SCGB1D2: variants seen among roughly 807,000 people sequenced by gnomAD.
The protein encoded by SCGB1D2 is secretoglobin family 1D member 2.
In SCGB1D2, 10 loss-of-function variants were observed where a neutral mutation model predicts 10.5. That is an observed-to-expected ratio of 0.95 (90% CI 0.59 to 1.61). The LOEUF is 1.61. Ranked by LOEUF, SCGB1D2 falls within the 40% of genes most tolerant of loss-of-function variation. SCGB1D2 has a pLI of 0.00. For missense variants in SCGB1D2, 113 were observed against 103.8 expected, an observed-to-expected ratio of 1.09 and a Z score of -0.38; for synonymous variants, 42 against 42.8, an observed-to-expected ratio of 0.98 and a Z score of 0.08.
chr11:62,242,273 T>C lies in SCGB1D2; in HGVS notation c.-35T>C. The C allele has an allele frequency of 1.5e-5, 24 of 1,612,936 alleles. No homozygotes were observed. The highest frequency in any genetic ancestry group is 2.0e-5 in the Non-Finnish European group (23 of 1,179,088). ...GGGTGGAGTCCAAATCACTCATTGT[T>C]TGTGAAAGCTGAGCTCACAGCAAAA... On this transcript the variant is annotated 5_prime_UTR_variant, in exon 1 of 3. Coordinates refer to ENST00000244926, the MANE Select transcript of SCGB1D2 (RefSeq NM_006551.4).
intron 2 of SCGB1D2, among the ~76,000 whole-genome samples, chr11:62,243,713 T>C (rs911818758): frequency 8.5e-5 from 13 of 152,270 alleles, no homozygotes; most frequent in Middle Eastern, 3.4e-3. Flanking sequence ...CTGGATGCCA[T>C]GTCCCCAGAG....
rs190273123 is a variant in SCGB1D2, at chr11:62,244,540, A to G, written c.244-130A>G. ...ACCAGGTCTAGGCCTCAGTTTCCCA[A>G]ACTGAGTTGTTGCCTCTGCCCTTCC... On this transcript the variant is annotated intron_variant, in intron 2 of 2. Transcript: ENST00000244926. 59 of 778,698 alleles carry G rather than the reference A, an allele frequency of 7.6e-5. 1 individual carries two copies. In the Admixed American group the frequency reaches 1.1e-3, roughly 15 times the overall value. 48.2% of individuals were successfully genotyped at this position (778,698 alleles called of 1,614,324 possible). A position where few individuals can be genotyped will look rare whatever the true frequency, so the allele number is the denominator to read the frequency against.
Position 62,243,271 on chromosome 11 carries a change from T to C in SCGB1D2, c.56-18T>C, listed in dbSNP as rs1470973315. 6.2e-7 allele frequency: 1 copy of C among 1,605,978 alleles called. No individual in the cohort carries two copies. The highest frequency in any genetic ancestry group is 1.1e-5 in the South Asian group (1 of 90,406). The stretch of plus-strand genomic sequence containing the variant: ...CGACTTTCCTAACATCAACTATATT[T>C]TTATTCTTTTGCTGCAGCCAATGCC... On this transcript the variant is annotated intron_variant, in intron 1 of 2. Transcript: ENST00000244926.
At chr11:62,243,263 A>T in intron 1 of SCGB1D2, 26 bp from the exon 2 acceptor site, 2 of 1,599,982 alleles carry the variant, frequency 1.3e-6, no homozygotes, top group South Asian at 2.2e-5. Flanking sequence ...CCTAACATCA[A>T]CTATATTTTT....
chr11:62,244,463 T>C (rs887438206), intron 2 of SCGB1D2, among the ~76,000 whole-genome samples: 7 of 152,134 alleles, frequency 4.6e-5, no homozygotes, highest in Admixed American at 3.3e-4. Flanking sequence ...CCCAGGGCTA[T>C]TGGCCTGGCA....
chr11:62,243,567 G>C (rs559216188), intron 2 of SCGB1D2, 91 bp downstream of exon 2: 20 of 1,137,618 alleles, frequency 1.8e-5, no homozygotes, highest in Non-Finnish European at 2.4e-5. Context: ...GGACACAGGT[G>C]GTGGGGCAGC....
At chr11:62,244,298 C>T (rs1945090880) in intron 2 of SCGB1D2, among the ~76,000 whole-genome samples, 1 of 152,162 alleles carries the variant, frequency 6.6e-6, no homozygotes, top group Non-Finnish European at 1.5e-5. Flanking sequence ...CCCAGAAGCC[C>T]TCTCAGCCCT....
rs371561256 is a variant in SCGB1D2 at position 62,243,483 on chromosome 11, T to C, written c.243+7T>C. 976 of 1,609,208 alleles carry C rather than the reference T, an allele frequency of 6.1e-4. 2 individuals carry two copies. The highest frequency in any genetic ancestry group is 8.0e-4 in the Non-Finnish European group (941 of 1,177,102). ...CCTCATTGCGGAAGTCCTGGTAACT[T>C]CTTTCTCCTTTATTTGTTAAGGCTT... On this transcript the variant is annotated splice_region_variant and intron_variant, in intron 2 of 2. Coordinates refer to ENST00000244926, the MANE Select transcript of SCGB1D2 (RefSeq NM_006551.4).
At chr11:62,244,262 G>A (rs1368618780) in intron 2 of SCGB1D2, among the ~76,000 whole-genome samples, 1 of 152,132 alleles carries the variant, frequency 6.6e-6, no homozygotes, top group African/African-American at 2.4e-5. Flanking sequence ...ACATGGGGAG[G>A]CTGGAGTCTC....
Position 62,243,318 on chromosome 11 carries a change from T to C in SCGB1D2, c.85T>C (p.Ser29Pro). The C allele has an allele frequency of 1.2e-6, 2 of 1,613,966 alleles. No homozygotes were observed. The highest frequency in any genetic ancestry group is 1.7e-5 in the Admixed American group (1 of 60,006). Reference protein sequence around the residue: ...ANAEFCPALVSELLDFFFISE... With the variant: ...ANAEFCPALVPELLDFFFISE... ...TGCCGAGTTCTGCCCAGCTCTTGTT[T>C]CTGAGCTGTTAGACTTCTTCTTCAT... Residue 29 changes from serine (S) to proline (P), a missense_variant, in exon 2 of 3, where the codon TCT becomes CCT. Ser to Pro is a moderately conservative substitution (Grantham distance 74). Coordinates refer to ENST00000244926, the MANE Select transcript of SCGB1D2 (RefSeq NM_006551.4).
rs1461882875 is a variant in SCGB1D2 at position 62,244,687 on chromosome 11, A to G, written c.261A>G (p.Lys87=). The change falls in exon 3 of 3, where the codon AAA becomes AAG. Residue 87 remains lysine, a synonymous_variant. Coordinates refer to ENST00000244926, the MANE Select transcript of SCGB1D2 (RefSeq NM_006551.4). ...IAEVLVKILK[K]CSV ...TATTTTAGGTGAAAATATTGAAGAA[A>G]TGTAGTGTGTGACATGTAAAAACTT... The G allele has an allele frequency of 6.2e-7, 1 of 1,613,348 alleles. No homozygotes were observed. Among genetic ancestry groups the G allele is most frequent in the Non-Finnish European group, 8.5e-7 (1 of 1,179,514 alleles).
chr11:62,242,429 C>G, intron 1 of SCGB1D2, 67 bp downstream of exon 1: 1 of 1,532,296 alleles, frequency 6.5e-7, no homozygotes, highest in Non-Finnish European at 9.0e-7. Context: ...CACGAGGTCA[C>G]CTATTCAGGC....
At position 62,242,333 on chromosome 11, in the gene SCGB1D2, T is replaced by A. The variant is rs752497174; in HGVS notation, c.26T>A (p.Leu9Gln). 8 of 1,614,002 alleles carry A rather than the reference T, an allele frequency of 5.0e-6. No individual in the cohort carries two copies. The African/African-American group carries it at 1.1e-4, about 22-fold the overall frequency. MKLSVCLL[L>Q]VTLALCCYQA... ...ATGAAGCTGTCGGTGTGTCTCCTGC[T>A]GGTCACGCTGGCCCTCTGCTGCTAC... Residue 9 changes from leucine to glutamine, a missense_variant, in exon 1 of 3, where the codon CTG becomes CAG. By Grantham distance (113) the Leu-to-Gln change is moderately radical. Coordinates refer to ENST00000244926, the MANE Select transcript of SCGB1D2 (RefSeq NM_006551.4).
At chr11:62,244,552 G>C in intron 2 of SCGB1D2, 118 bp from the exon 3 acceptor site, 2 of 854,016 alleles carry the variant, frequency 2.3e-6, no homozygotes, top group South Asian at 3.2e-5. Flanking sequence ...CTGAGTTGTT[G>C]CCTCTGCCCT....
rs139406960 is a variant in SCGB1D2 at position 62,242,341 on chromosome 11, C to T, written c.34C>T (p.Leu12=). 9.9e-6 allele frequency: 16 copies of T among 1,614,122 alleles called. No individual in the cohort carries two copies. Among genetic ancestry groups the T allele is most frequent in the African/African-American group, 2.7e-5 (2 of 75,050 alleles). Residue 12 remains leucine (L), a synonymous_variant, in exon 1 of 3, where the codon CTG becomes TTG. Coordinates refer to ENST00000244926, the MANE Select transcript of SCGB1D2 (RefSeq NM_006551.4). ...GTCGGTGTGTCTCCTGCTGGTCACG[C>T]TGGCCCTCTGCTGCTACCAGGGTGA... ...KLSVCLLLVT[L]ALCCYQANAE...
chr11:62,242,819 G>A (rs938287428), intron 1 of SCGB1D2, among the ~76,000 whole-genome samples: 8 of 152,310 alleles, frequency 5.3e-5, no homozygotes, highest in East Asian at 1.9e-4. Context: ...TAAGCATGGC[G>A]GCTCATGCCT....
intron 2 of SCGB1D2, among the ~76,000 whole-genome samples, chr11:62,243,990 G>T: frequency 6.6e-6 from 1 of 152,008 alleles, no homozygotes. Context: ...GCCCCTCCCA[G>T]CTCCTGAGAC....
chr11:62,244,458 G>A (rs1479375635), intron 2 of SCGB1D2, among the ~76,000 whole-genome samples: 3 of 152,098 alleles, frequency 2.0e-5, no homozygotes, highest in Non-Finnish European at 4.4e-5. Context: ...ATCACCCCAG[G>A]GCTATTGGCC....
rs1945069167 is a variant in SCGB1D2 at position 62,242,322 on chromosome 11, G to A, written c.15G>A (p.Val5=). The A allele has an allele frequency of 6.2e-7, 1 of 1,614,014 alleles. No individual in the cohort carries two copies. Among genetic ancestry groups the A allele is most frequent in the Non-Finnish European group, 8.5e-7 (1 of 1,180,000 alleles). Reference sequence around the variant, plus strand: ...AACAAGCCACCATGAAGCTGTCGGTGTGTCTCCTGCTGGTCACGCTGGCCC... The same window carrying A: ...AACAAGCCACCATGAAGCTGTCGGTATGTCTCCTGCTGGTCACGCTGGCCC... MKLS[V]CLLLVTLALC... The change falls in exon 1 of 3, where the codon GTG becomes GTA. Residue 5 remains valine, a synonymous_variant. Coordinates refer to ENST00000244926, the MANE Select transcript of SCGB1D2 (RefSeq NM_006551.4).
Sources: gnomAD v4.1 joint callset for allele counts (sites outside exome capture counted in the v4.1 genomes callset) on GRCh38, gnomAD v4.1.1 for gene constraint, MANE v1.5 for transcripts, NCBI Gene and HGNC (gene_info 2026-07-23, HGNC 2026-07-21) for gene names.